Variants in DOCK4 observed in about 807,000 individuals in gnomAD.
DOCK4 encodes dedicator of cytokinesis protein 4.
Under a neutral mutation model 268.1 loss-of-function variants are expected in DOCK4, and 97 were observed. The ratio of observed to expected loss-of-function variants is 0.36; its 90% confidence interval spans 0.31 to 0.43. The LOEUF (loss-of-function observed/expected upper bound fraction) is 0.43, where lower values mean the gene tolerates loss of function less well. Among genes scored for constraint, DOCK4 ranks in the 20% least tolerant of loss-of-function variants. The probability of loss-of-function intolerance (pLI) is 1.00; values close to 1 mark genes in which losing one functional copy is unlikely to be tolerated. For synonymous variants in DOCK4, 954 were observed against 887.2 expected (o/e 1.08, Z -1.34); for missense variants, 2,145 against 2,455.7 (o/e 0.87, Z 2.67).
chr7:111,767,189 C>A, intron 37 of DOCK4, 71 bp from the exon 38 acceptor site: 19 of 1,114,774 alleles, frequency 1.7e-5, no homozygotes, highest in Non-Finnish European at 2.4e-5. Flanking sequence ...AAAGTCAGAA[C>A]ATGAGTGCTT....
chr7:112,173,766 C>T (rs1818274029), intron 1 of DOCK4, among the ~76,000 whole-genome samples: 2 of 152,160 alleles, frequency 1.3e-5, no homozygotes, highest in Non-Finnish European at 2.9e-5. Flanking sequence ...CACAGCCAAA[C>T]ATTTTCATTG....
chr7:112,014,924 G>A (rs986657185), intron 1 of DOCK4, among the ~76,000 whole-genome samples: 2 of 151,902 alleles, frequency 1.3e-5, no homozygotes, highest in African/African-American at 4.8e-5. Context: ...AAAGAGAAAA[G>A]GAAGAAAAGA....
chr7:111,880,065 A>T (rs1807254652), intron 16 of DOCK4, among the ~76,000 whole-genome samples: 1 of 152,208 alleles, frequency 6.6e-6, no homozygotes. Context: ...AGATATCAGC[A>T]TTCAAGTACA....
chr7:111,869,384 GAC>G (rs1806236432), intron 21 of DOCK4, 188 bp downstream of exon 21: 3 of 558,502 alleles, frequency 5.4e-6, no homozygotes, highest in Non-Finnish European at 9.9e-6. Context: ...GTTTCCAGTA[GAC>G]TACCCTGGCA....
At chr7:112,163,609 G>A (rs1817333792) in intron 1 of DOCK4, among the ~76,000 whole-genome samples, 1 of 152,062 alleles carries the variant, frequency 6.6e-6, no homozygotes, top group South Asian at 2.1e-4. Flanking sequence ...CATTTACATA[G>A]AGCATAGTAT....
intron 1 of DOCK4, among the ~76,000 whole-genome samples, chr7:112,049,448 AAAG>A (rs1050717385): frequency 2.6e-5 from 4 of 152,162 alleles, no homozygotes; most frequent in African/African-American, 9.6e-5. Flanking sequence ...AAATTGTACT[AAAG>A]AAGACAGAAA....
intron 1 of DOCK4, among the ~76,000 whole-genome samples, chr7:112,005,166 T>C (rs764868448): frequency 8.5e-5 from 13 of 152,232 alleles, no homozygotes; most frequent in African/African-American, 1.7e-4. Flanking sequence ...GGGAAACTTA[T>C]AATTTTGCTT....
chr7:111,788,438 C>G (rs1799319749), intron 32 of DOCK4: 1 of 553,130 alleles, frequency 1.8e-6, no homozygotes, highest in Admixed American at 3.0e-5. Flanking sequence ...TGCAACCTGT[C>G]CTAATCAGAG....
intron 1 of DOCK4, among the ~76,000 whole-genome samples, chr7:112,132,036 G>C (rs1190302500): frequency 6.6e-6 from 1 of 152,076 alleles, no homozygotes; most frequent in East Asian, 1.9e-4. Flanking sequence ...TCTCATTTCG[G>C]GCAGATTTAT....
intron 10 of DOCK4, 76 bp from the exon 11 acceptor site, chr7:111,940,318 T>C: frequency 1.9e-6 from 3 of 1,580,802 alleles, no homozygotes; most frequent in South Asian, 1.1e-5. Flanking sequence ...AACATACAGC[T>C]ATAAGATAGG....
intron 26 of DOCK4, among the ~76,000 whole-genome samples, chr7:111,826,895 TA>T: frequency 6.6e-6 from 1 of 152,230 alleles, no homozygotes; most frequent in Non-Finnish European, 1.5e-5. Flanking sequence ...TTAAAATCTA[TA>T]TTTTTTTAAA....
At chr7:111,870,349 A>T (rs1806320745) in intron 20 of DOCK4, among the ~76,000 whole-genome samples, 1 of 131,966 alleles carries the variant, frequency 7.6e-6, no homozygotes, top group African/African-American at 2.9e-5. Flanking sequence ...TTTGAGACAG[A>T]GTCTTGCTTT....
At chr7:111,963,169 C>A (rs1202661327) in intron 8 of DOCK4, among the ~76,000 whole-genome samples, 1 of 152,186 alleles carries the variant, frequency 6.6e-6, no homozygotes, top group African/African-American at 2.4e-5. Flanking sequence ...TTTGTTTTCA[C>A]TGGTCCATAA....
intron 13 of DOCK4, among the ~76,000 whole-genome samples, chr7:111,907,179 A>G (rs1185675147): frequency 1.3e-5 from 2 of 152,188 alleles, no homozygotes; most frequent in African/African-American, 4.8e-5. Context: ...CACTTGAGTA[A>G]AACCCATCAG....
At chr7:112,007,969 A>T (rs1236947888) in intron 1 of DOCK4, among the ~76,000 whole-genome samples, 1 of 152,176 alleles carries the variant, frequency 6.6e-6, no homozygotes, top group Non-Finnish European at 1.5e-5. Flanking sequence ...ATTCATGTAC[A>T]CTTCCCAGGG....
At chr7:112,068,549 T>C (rs569808071) in intron 1 of DOCK4, among the ~76,000 whole-genome samples, 17 of 152,350 alleles carry the variant, frequency 1.1e-4, no homozygotes, top group Admixed American at 7.2e-4. Flanking sequence ...AGAACCCACA[T>C]TGAGTGCTTA....
At chr7:111,994,363 T>C (rs540297358) in intron 4 of DOCK4, 132 bp from the exon 5 acceptor site, 11 of 540,070 alleles carry the variant, frequency 2.0e-5, no homozygotes, top group East Asian at 3.0e-5. Flanking sequence ...AACCAGGATC[T>C]GGTTATAAGT....
intron 1 of DOCK4, among the ~76,000 whole-genome samples, chr7:112,050,794 T>C (rs753194030): frequency 2.6e-5 from 4 of 152,162 alleles, no homozygotes; most frequent in Non-Finnish European, 5.9e-5. Flanking sequence ...GATTTGAAAG[T>C]CTGCATAAGT....
intron 1 of DOCK4, among the ~76,000 whole-genome samples, chr7:112,064,138 G>A (rs1039961058): frequency 1.3e-5 from 2 of 152,208 alleles, no homozygotes; most frequent in Non-Finnish European, 2.9e-5. Context: ...GTTTTGGAGT[G>A]AGACATGGCA....
Sources: gnomAD v4.1 joint callset for allele counts (sites outside exome capture counted in the v4.1 genomes callset) on GRCh38, gnomAD v4.1.1 for gene constraint, MANE v1.5 for transcripts, NCBI Gene and HGNC (gene_info 2026-07-23, HGNC 2026-07-21) for gene names.